ABTB3: variants seen among roughly 807,000 people sequenced by gnomAD.
ABTB3 encodes ankyrin repeat- and BTB/POZ domain-containing protein 3.
the ABTB3 span, among the ~76,000 whole-genome samples, chr12:107,437,590 C>T: frequency 6.6e-5 from 10 of 152,004 alleles, no homozygotes; most frequent in East Asian, 5.8e-4. Context: ...TTAGTAAAGA[C>T]GGGGTTTCAC....
At chr12:107,538,678 T>C in the ABTB3 span, among the ~76,000 whole-genome samples, 1 of 152,282 alleles carries the variant, frequency 6.6e-6, no homozygotes, top group East Asian at 1.9e-4. Flanking sequence ...ATTTATTTCT[T>C]ACAGCCTCCT....
chr12:107,615,176 T>C, the ABTB3 span: 2 of 1,596,008 alleles, frequency 1.3e-6, no homozygotes, highest in Non-Finnish European at 1.7e-6. Context: ...TTAACGTATT[T>C]CCCTATCCAC....
At chr12:107,356,523 G>A in the ABTB3 span, among the ~76,000 whole-genome samples, 1 of 152,152 alleles carries the variant, frequency 6.6e-6, no homozygotes, top group Non-Finnish European at 1.5e-5. Context: ...GCCCTTCCAG[G>A]TGTTTCAAGC....
chr12:107,512,914 G>A, the ABTB3 span, among the ~76,000 whole-genome samples: 26 of 152,246 alleles, frequency 1.7e-4, no homozygotes, highest in African/African-American at 6.0e-4. Context: ...TTTACAGATA[G>A]GAAAACCAAG....
the ABTB3 span, among the ~76,000 whole-genome samples, chr12:107,501,724 C>T: frequency 0.011 from 1,718 of 151,914 alleles, 34 homozygotes; most frequent in African/African-American, 0.038. Flanking sequence ...GAAAGACAGC[C>T]TGTTCAAGTG....
the ABTB3 span, chr12:107,620,153 A>G: frequency 6.2e-7 from 1 of 1,614,126 alleles, no homozygotes. Context: ...TGAGATCCTG[A>G]AAGCGAGCAA....
chr12:107,387,953 T>TC, the ABTB3 span, among the ~76,000 whole-genome samples: 3 of 114,504 alleles, frequency 2.6e-5, no homozygotes, highest in Non-Finnish European at 5.4e-5. Context: ...TCTTTTCTCC[T>TC]CTTCTTCTTC....
chr12:107,427,283 A>ATT, the ABTB3 span, among the ~76,000 whole-genome samples: 15 of 140,616 alleles, frequency 1.1e-4, no homozygotes, highest in Middle Eastern at 3.5e-3. Context: ...CTGTGTCCCT[A>ATT]TTTTTTTTTT....
At chr12:107,426,270 G>A in the ABTB3 span, among the ~76,000 whole-genome samples, 7 of 152,220 alleles carry the variant, frequency 4.6e-5, no homozygotes, top group East Asian at 1.9e-4. Flanking sequence ...AAGGTAGATC[G>A]ATGCGGACAA....
the ABTB3 span, among the ~76,000 whole-genome samples, chr12:107,632,283 A>T: frequency 6.6e-6 from 1 of 152,200 alleles, no homozygotes; most frequent in Non-Finnish European, 1.5e-5. Flanking sequence ...TGCCTCTCTC[A>T]AGGGCACAAG....
At chr12:107,441,391 A>G in the ABTB3 span, among the ~76,000 whole-genome samples, 1 of 152,186 alleles carries the variant, frequency 6.6e-6, no homozygotes, top group Non-Finnish European at 1.5e-5. Flanking sequence ...GTCCTCACTT[A>G]TAAGTGGGAG....
At chr12:107,401,565 T>C in the ABTB3 span, among the ~76,000 whole-genome samples, 1 of 152,352 alleles carries the variant, frequency 6.6e-6, no homozygotes, top group South Asian at 2.1e-4. Flanking sequence ...AGTGCTCCCA[T>C]GATGCAAAAT....
the ABTB3 span, among the ~76,000 whole-genome samples, chr12:107,390,129 T>A: frequency 2.0e-5 from 3 of 152,106 alleles, no homozygotes; most frequent in South Asian, 6.3e-4. Context: ...AGAGGGGTGG[T>A]CCATTTGGGA....
the ABTB3 span, among the ~76,000 whole-genome samples, chr12:107,591,819 C>T: frequency 6.6e-6 from 1 of 152,324 alleles, no homozygotes; most frequent in East Asian, 1.9e-4. Flanking sequence ...TCCATCAGCC[C>T]TACAAGGGGC....
At chr12:107,448,959 G>C in the ABTB3 span, among the ~76,000 whole-genome samples, 1 of 152,258 alleles carries the variant, frequency 6.6e-6, no homozygotes, top group Non-Finnish European at 1.5e-5. Context: ...TGAATGAACC[G>C]AAGCAGCATC....
At chr12:107,446,803 G>T in the ABTB3 span, among the ~76,000 whole-genome samples, 1 of 152,158 alleles carries the variant, frequency 6.6e-6, no homozygotes, top group Non-Finnish European at 1.5e-5. Flanking sequence ...CTGTCTTGCT[G>T]GCATGCTGTG....
At chr12:107,644,970 C>T in the ABTB3 span, among the ~76,000 whole-genome samples, 1 of 101,978 alleles carries the variant, frequency 9.8e-6, no homozygotes, top group South Asian at 3.8e-4. Flanking sequence ...TGTCAAAATT[C>T]ACTTTTTTTT....
the ABTB3 span, among the ~76,000 whole-genome samples, chr12:107,511,101 A>T: frequency 6.6e-6 from 1 of 152,214 alleles, no homozygotes; most frequent in Admixed American, 6.5e-5. Context: ...CCCCCAGGAG[A>T]GTCATTTTAT....
At chr12:107,559,853 AT>A in the ABTB3 span, among the ~76,000 whole-genome samples, 53 of 149,440 alleles carry the variant, frequency 3.5e-4, no homozygotes, top group African/African-American at 6.4e-4. Flanking sequence ...TATGAATTCA[AT>A]TTTTTTTTTT....
Sources: gnomAD v4.1 joint callset for allele counts (sites outside exome capture counted in the v4.1 genomes callset) on GRCh38, gnomAD v4.1.1 for gene constraint, MANE v1.5 for transcripts, NCBI Gene and HGNC (gene_info 2026-07-23, HGNC 2026-07-21) for gene names.